FAM13A: variants seen among roughly 807,000 people sequenced by gnomAD.
FAM13A encodes the protein protein FAM13A.
In FAM13A, 76 loss-of-function variants were observed where a neutral mutation model predicts 129.6. That is an observed-to-expected ratio of 0.59 (90% CI 0.49 to 0.71). The LOEUF is 0.71. Ranked by LOEUF, FAM13A falls within the 30% of genes least tolerant of loss-of-function variation. The pLI is 0.00. For synonymous variants in FAM13A, 443 were observed against 449.9 expected, an observed-to-expected ratio of 0.98 and a Z score of 0.20; for missense variants, 1,108 against 1,249.3, an observed-to-expected ratio of 0.89 and a Z score of 1.70.
chr4:88,752,175 C>A (rs909703876), intron 14 of FAM13A, among the ~76,000 whole-genome samples: 2 of 152,166 alleles, frequency 1.3e-5, no homozygotes, highest in Admixed American at 6.5e-5. Context: ...GTGCGCCTCA[C>A]ACACACAAGT....
At chr4:88,898,913 C>T (rs1417102770) in intron 6 of FAM13A, among the ~76,000 whole-genome samples, 1 of 152,012 alleles carries the variant, frequency 6.6e-6, no homozygotes, top group Non-Finnish European at 1.5e-5. Flanking sequence ...AGTAATCCCA[C>T]TACTAGGTAT....
In FAM13A at chr4:88,877,067, C is replaced by T. The variant is rs186937196; in HGVS notation, c.844-25884G>A. On this transcript the variant is annotated intron_variant, in intron 6 of 23. Coordinates refer to ENST00000264344, the MANE Select transcript of FAM13A (RefSeq NM_014883.4). ...AATTGTAAGCTTACATATGGAAATA[C>T]GCAGAATTTCATTATCAATAAAGTT... is the stretch of plus-strand genomic sequence containing the variant. 5.4e-4 allele frequency among the ~76,000 whole-genome samples: 82 copies of T among 152,162 alleles called. 2 individuals are homozygous for T. The highest frequency in any genetic ancestry group is 3.9e-4 in the East Asian group (2 of 5,186).
intron 11 of FAM13A, among the ~76,000 whole-genome samples, chr4:88,774,004 G>A (rs1221887445): frequency 6.6e-6 from 1 of 152,118 alleles, no homozygotes; most frequent in African/African-American, 2.4e-5. Context: ...CAGGACCTCT[G>A]CTACATCTTT....
chr4:88,988,887 T>C (rs1231002905), intron 4 of FAM13A, among the ~76,000 whole-genome samples: 1 of 152,194 alleles, frequency 6.6e-6, no homozygotes, highest in Non-Finnish European at 1.5e-5. Flanking sequence ...TTTAAAAATT[T>C]GAATGAATTA....
At chr4:88,904,980 T>C (rs570986574) in intron 6 of FAM13A, among the ~76,000 whole-genome samples, 2 of 152,264 alleles carry the variant, frequency 1.3e-5, no homozygotes, top group African/African-American at 4.8e-5. Flanking sequence ...TGAAACATCA[T>C]ACAGTGATTT....
intron 11 of FAM13A, among the ~76,000 whole-genome samples, chr4:88,777,760 A>C (rs1722057730): frequency 6.6e-6 from 1 of 152,186 alleles, no homozygotes; most frequent in Non-Finnish European, 1.5e-5. Context: ...CACTGTCTTC[A>C]GTTACTCTCC....
chr4:88,944,698 T>G (rs1357940790), intron 4 of FAM13A, among the ~76,000 whole-genome samples: 1 of 152,074 alleles, frequency 6.6e-6, no homozygotes, highest in Non-Finnish European at 1.5e-5. Context: ...GGTCAGGAGT[T>G]CGAGACCCAC....
chr4:88,789,165 T>C (rs1724593034), intron 9 of FAM13A, among the ~76,000 whole-genome samples: 2 of 152,120 alleles, frequency 1.3e-5, no homozygotes, highest in South Asian at 2.1e-4. Context: ...AACTGAAATA[T>C]CTAAACAGAA....
chr4:89,032,522 C>G (rs1768842505), intron 1 of FAM13A, among the ~76,000 whole-genome samples: 1 of 152,092 alleles, frequency 6.6e-6, no homozygotes, highest in Admixed American at 6.6e-5. Flanking sequence ...AAATCAGGAC[C>G]TAAAAAATTG....
rs535597959 is a variant in FAM13A, at chr4:88,734,304, A to T, written c.2647-2106T>A. On this transcript the variant is annotated intron_variant, in intron 21 of 23. Transcript: ENST00000264344. ...GAAGGGTGACATGAACCTGAAGGGC[A>T]GTCTACAGCAGCCCCTCTGCCTGAC... is the stretch of plus-strand genomic sequence containing the variant. Among the ~76,000 whole-genome samples the T allele has an allele frequency of 2.0e-5, 3 of 152,348 alleles. No homozygotes were observed. The South Asian group carries it at 6.2e-4, about 32-fold the overall frequency.
rs114271347 is a variant in FAM13A, at chr4:88,819,609, G to A, written c.1008-14557C>T. On this transcript the variant is annotated intron_variant, in intron 7 of 23. Transcript: ENST00000264344. ...ACTAGGCCTGAGATCTGACAAAACA[G>A]ATTATCTCATTAGTGACAGAAGGTA... is the stretch of plus-strand genomic sequence containing the variant. Among the ~76,000 whole-genome samples the A allele has an allele frequency of 7.4e-3, 1,123 of 152,240 alleles. 10 individuals carry two copies. The highest frequency in any genetic ancestry group is 0.026 in the African/African-American group (1,074 of 41,554).
intron 7 of FAM13A, among the ~76,000 whole-genome samples, chr4:88,841,643 G>A (rs1192469869): frequency 4.6e-5 from 7 of 151,950 alleles, no homozygotes; most frequent in Non-Finnish European, 1.0e-4. Context: ...ATATAGTATT[G>A]GCCATTAAAC....
At chr4:88,761,687 T>C (rs1442839280) in intron 13 of FAM13A, among the ~76,000 whole-genome samples, 1 of 152,162 alleles carries the variant, frequency 6.6e-6, no homozygotes, top group Non-Finnish European at 1.5e-5. Flanking sequence ...GGGTGTCAGC[T>C]AAGTAGATGC....
chr4:88,851,152 T>C lies in FAM13A; in HGVS notation c.875A>G (p.Gln292Arg), dbSNP rs566452149. Residue 292 changes from glutamine (Q) to arginine (R), a missense_variant, in exon 7 of 24, where the codon CAG becomes CGG. Gln to Arg is a conservative substitution (Grantham distance 43). This residue lies in a region of FAM13A where 566 missense variants were observed against 595.7 expected (regional missense o/e 0.95). Coordinates refer to ENST00000264344, the MANE Select transcript of FAM13A (RefSeq NM_014883.4). ...IPKSRSEGSIQAHRVLQPELS... is the reference protein window; with the variant it reads ...IPKSRSEGSIRAHRVLQPELS... Reference sequence around the variant, plus strand: ...CTCTGGTTGCAGTACTCTGTGGGCCTGAATAGATCCCTCACTCCTGGATTT... The same window carrying C: ...CTCTGGTTGCAGTACTCTGTGGGCCCGAATAGATCCCTCACTCCTGGATTT... 15 of 1,609,898 alleles carry C rather than the reference T, an allele frequency of 9.3e-6. No individual in the cohort carries two copies. The highest frequency in any genetic ancestry group is 1.7e-4 in the Middle Eastern group (1 of 5,988).
At chr4:88,846,885 T>C (rs1371002297) in intron 7 of FAM13A, among the ~76,000 whole-genome samples, 3 of 152,210 alleles carry the variant, frequency 2.0e-5, no homozygotes, top group East Asian at 3.8e-4. Context: ...AGCCAATAAC[T>C]TGTTCTGGCA....
At chr4:88,807,018 A>C (rs1728692236) in intron 7 of FAM13A, among the ~76,000 whole-genome samples, 2 of 152,150 alleles carry the variant, frequency 1.3e-5, no homozygotes, top group African/African-American at 4.8e-5. Context: ...AAAAACCTAT[A>C]ATGATTTTGT....
At chr4:88,852,510 C>T (rs1737760137) in intron 6 of FAM13A, among the ~76,000 whole-genome samples, 1 of 152,132 alleles carries the variant, frequency 6.6e-6, no homozygotes, top group Non-Finnish European at 1.5e-5. Context: ...TTCCATAACA[C>T]ACTACCACAT....
At chr4:88,869,320 A>G (rs375720035) in intron 6 of FAM13A, among the ~76,000 whole-genome samples, 2 of 152,112 alleles carry the variant, frequency 1.3e-5, no homozygotes, top group South Asian at 4.1e-4. Flanking sequence ...ATGGTTTTTC[A>G]TTTCATTTTG....
chr4:89,001,168 G>A (rs1019710855), intron 3 of FAM13A, among the ~76,000 whole-genome samples: 1 of 152,214 alleles, frequency 6.6e-6, no homozygotes, highest in South Asian at 2.1e-4. Flanking sequence ...GAGGTCATGG[G>A]TGGTTATAGA....
Sources: gnomAD v4.1 joint callset for allele counts (sites outside exome capture counted in the v4.1 genomes callset) on GRCh38, gnomAD v4.1.1 for gene constraint, gnomAD v4.1.1 regional missense constraint, MANE v1.5 for transcripts, NCBI Gene and HGNC (gene_info 2026-07-23, HGNC 2026-07-21) for gene names.